The following VPS13B variants were observed in gnomAD, a reference collection of about 807,000 sequenced individuals.
VPS13B encodes the protein vacuolar protein sorting 13 homolog B, also known as intermembrane lipid transfer protein VPS13B.
A neutral mutation model predicts 426.4 loss-of-function variants in VPS13B; 285 were observed. The observed-to-expected ratio is 0.67, with a 90% CI of 0.61 to 0.74. The LOEUF is 0.74. VPS13B is among the 30% of genes least tolerant of loss of function. The probability of loss-of-function intolerance (pLI) is 0.00; values close to 1 mark genes in which losing one functional copy is unlikely to be tolerated. For missense variants in VPS13B, 4,537 were observed against 4,782.6 expected, an observed-to-expected ratio of 0.95 and a Z score of 1.51; for synonymous variants, 1,676 against 1,676.4, an observed-to-expected ratio of 1.00 and a Z score of 0.01.
intron 17 of VPS13B, among the ~76,000 whole-genome samples, chr8:99,209,077 G>A (rs1308041748): frequency 2.0e-5 from 3 of 152,006 alleles, no homozygotes; most frequent in Non-Finnish European, 4.4e-5. Flanking sequence ...TTGAGAGATC[G>A]AGACCATCCT....
intron 54 of VPS13B, among the ~76,000 whole-genome samples, chr8:99,838,684 G>A (rs1451870058): frequency 6.6e-6 from 1 of 152,198 alleles, no homozygotes; most frequent in African/African-American, 2.4e-5. Flanking sequence ...GTAATTGCAC[G>A]GGTAGTTGTA....
intron 35 of VPS13B, among the ~76,000 whole-genome samples, chr8:99,684,556 C>T (rs193193010): frequency 1.3e-5 from 2 of 152,262 alleles, no homozygotes; most frequent in Non-Finnish European, 1.5e-5. Flanking sequence ...AAATTAGAAA[C>T]TCATCACCAT....
chr8:99,778,231 CAA>C (rs377457529), intron 41 of VPS13B, among the ~76,000 whole-genome samples: 23 of 94,422 alleles, frequency 2.4e-4, no homozygotes, highest in Admixed American at 4.5e-4. Flanking sequence ...GACTCCATCT[CAA>C]AAAAAAAAAA....
At chr8:99,189,163 A>G (rs1813402059) in intron 16 of VPS13B, among the ~76,000 whole-genome samples, 1 of 152,072 alleles carries the variant, frequency 6.6e-6, no homozygotes, top group Non-Finnish European at 1.5e-5. Flanking sequence ...GTTAGCCAGG[A>G]TGGTCTCGAT....
intron 33 of VPS13B, among the ~76,000 whole-genome samples, chr8:99,620,455 C>T (rs1828299578): frequency 6.6e-6 from 1 of 151,962 alleles, no homozygotes; most frequent in Non-Finnish European, 1.5e-5. Flanking sequence ...TGAGATCTCA[C>T]TAAAAGAGCT....
chr8:99,399,784 G>A (rs988267450), intron 21 of VPS13B, among the ~76,000 whole-genome samples: 7 of 152,092 alleles, frequency 4.6e-5, no homozygotes, highest in African/African-American at 1.4e-4. Flanking sequence ...TGTGCCGTGC[G>A]GAGTATTTTA....
chr8:99,726,922 G>T (rs1248976819), intron 39 of VPS13B, among the ~76,000 whole-genome samples: 2 of 152,198 alleles, frequency 1.3e-5, no homozygotes, highest in Non-Finnish European at 2.9e-5. Context: ...GACACAGAGA[G>T]AACCTAAATG....
intron 3 of VPS13B, among the ~76,000 whole-genome samples, chr8:99,093,529 CT>C: frequency 7.4e-6 from 1 of 135,566 alleles, no homozygotes; most frequent in African/African-American, 2.7e-5. Context: ...TACCTCCCCC[CT>C]CCCCCCACCT....
intron 30 of VPS13B, among the ~76,000 whole-genome samples, chr8:99,535,156 C>G (rs1182608192): frequency 1.3e-5 from 2 of 152,134 alleles, no homozygotes; most frequent in Non-Finnish European, 2.9e-5. Context: ...TAATAAATTA[C>G]CTCTACACAT....
chr8:99,871,629 C>G lies in VPS13B; in HGVS notation c.11677C>G (p.Gln3893Glu). The G allele has an allele frequency of 1.2e-6, 2 of 1,614,200 alleles. No individual in the cohort carries two copies. The highest frequency in any genetic ancestry group is 1.1e-5 in the South Asian group (1 of 91,088). The change falls in exon 61 of 62, where the codon CAG becomes GAG. Residue 3893 changes from glutamine (Q) to glutamate (E), a missense_variant. Physicochemically the swap from Gln to Glu is conservative, Grantham distance 29. This residue lies in a region of VPS13B where 4,311 missense variants were observed against 4,474.3 expected (regional missense o/e 0.96). Transcript: ENST00000357162. Reference protein sequence around the residue: ...AFPVTEIDCAQDSKQNNLLTV... With the variant: ...AFPVTEIDCAEDSKQNNLLTV... Reference sequence around the variant, plus strand: ...CCCCGTCACAGAAATCGACTGTGCACAGGACAGCAAGCAGAACAACTTACT... The same window carrying G: ...CCCCGTCACAGAAATCGACTGTGCAGAGGACAGCAAGCAGAACAACTTACT...
chr8:99,296,394 T>C (rs900946464), intron 19 of VPS13B, among the ~76,000 whole-genome samples: 4 of 152,178 alleles, frequency 2.6e-5, no homozygotes, highest in Non-Finnish European at 5.9e-5. Context: ...GTACTACATA[T>C]TTATATATAG....
intron 21 of VPS13B, among the ~76,000 whole-genome samples, chr8:99,421,840 G>C (rs1245362159): frequency 2.0e-5 from 3 of 151,988 alleles, no homozygotes; most frequent in Non-Finnish European, 4.4e-5. Context: ...ACCATGCCCA[G>C]CTAAGTTTTG....
intron 33 of VPS13B, among the ~76,000 whole-genome samples, chr8:99,628,976 G>A (rs1828728986): frequency 6.6e-6 from 1 of 152,016 alleles, no homozygotes; most frequent in Admixed American, 6.6e-5. Flanking sequence ...TGTTGTACAG[G>A]CTGATCTCAA....
chr8:99,556,099 CTG>C (rs1252792837), intron 30 of VPS13B, among the ~76,000 whole-genome samples: 27 of 152,226 alleles, frequency 1.8e-4, no homozygotes, highest in African/African-American at 5.8e-4. Flanking sequence ...CTTTCAAACT[CTG>C]TGAATTATTT....
intron 19 of VPS13B, among the ~76,000 whole-genome samples, chr8:99,371,488 G>A (rs984650778): frequency 6.6e-6 from 1 of 152,150 alleles, no homozygotes; most frequent in African/African-American, 2.4e-5. Flanking sequence ...GGTTACTGTA[G>A]CCTTGTAGTA....
At chr8:99,570,489 T>C (rs1354990029) in intron 31 of VPS13B, among the ~76,000 whole-genome samples, 1 of 152,126 alleles carries the variant, frequency 6.6e-6, no homozygotes, top group Non-Finnish European at 1.5e-5. Flanking sequence ...CTTTAGTAAC[T>C]GTATTTTTTA....
intron 15 of VPS13B, among the ~76,000 whole-genome samples, chr8:99,161,307 T>C (rs1757199642): frequency 6.6e-6 from 1 of 152,192 alleles, no homozygotes; most frequent in Admixed American, 6.5e-5. Context: ...TTTAACCCAA[T>C]ATATGCAAAT....
intron 30 of VPS13B, among the ~76,000 whole-genome samples, chr8:99,555,343 T>G (rs987530397): frequency 6.6e-6 from 1 of 152,122 alleles, no homozygotes; most frequent in African/African-American, 2.4e-5. Flanking sequence ...TTTGCCTTTT[T>G]CTATACTTTT....
At chr8:99,522,963 C>T (rs1004457610) in intron 30 of VPS13B, among the ~76,000 whole-genome samples, 1 of 151,948 alleles carries the variant, frequency 6.6e-6, no homozygotes, top group Non-Finnish European at 1.5e-5. Flanking sequence ...AGCAAAAGAC[C>T]CTGCATACTA....
Sources: gnomAD v4.1 joint callset for allele counts (sites outside exome capture counted in the v4.1 genomes callset) on GRCh38, gnomAD v4.1.1 for gene constraint, gnomAD v4.1.1 regional missense constraint, MANE v1.5 for transcripts, NCBI Gene and HGNC (gene_info 2026-07-23, HGNC 2026-07-21) for gene names.